EEFSEC: variants seen among roughly 807,000 people sequenced by gnomAD.
The protein encoded by EEFSEC is selenocysteine-specific elongation factor.
A neutral mutation model predicts 42.1 loss-of-function variants in EEFSEC; 43 were observed. The observed-to-expected ratio is 1.02, with a 90% CI of 0.80 to 1.32. The LOEUF (loss-of-function observed/expected upper bound fraction) is 1.32, where lower values mean the gene tolerates loss of function less well. Among genes scored for constraint, EEFSEC ranks in the 40% most tolerant of loss-of-function variants. The probability of loss-of-function intolerance (pLI) is 0.00; values close to 1 mark genes in which losing one functional copy is unlikely to be tolerated. For missense variants in EEFSEC, 745 were observed against 803.6 expected, an observed-to-expected ratio of 0.93 and a Z score of 0.88; for synonymous variants, 354 against 339.1, an observed-to-expected ratio of 1.04 and a Z score of -0.48.
chr3:128,181,674 G>C (rs1045488224), intron 1 of EEFSEC, among the ~76,000 whole-genome samples: 15 of 152,200 alleles, frequency 9.9e-5, no homozygotes, highest in African/African-American at 3.1e-4. Flanking sequence ...CTGGGCTGGT[G>C]GGGGGCGGTC....
chr3:128,265,242 A>C (rs1385996944), intron 4 of EEFSEC, among the ~76,000 whole-genome samples: 1 of 152,138 alleles, frequency 6.6e-6, no homozygotes, highest in Non-Finnish European at 1.5e-5. Context: ...CATGACGTGA[A>C]TCTTATGATG....
chr3:128,180,649 T>C (rs1030357763), intron 1 of EEFSEC, among the ~76,000 whole-genome samples: 3 of 152,236 alleles, frequency 2.0e-5, no homozygotes, highest in African/African-American at 7.2e-5. Flanking sequence ...CAGCTTCCTC[T>C]GCCCTTGACT....
chr3:128,179,900 C>A (rs2065387724), intron 1 of EEFSEC, among the ~76,000 whole-genome samples: 2 of 151,872 alleles, frequency 1.3e-5, no homozygotes, highest in Non-Finnish European at 2.9e-5. Context: ...AAAAAAAATT[C>A]TTTTTCCAAG....
At chr3:128,221,453 C>A (rs2065860362) in intron 1 of EEFSEC, among the ~76,000 whole-genome samples, 1 of 152,164 alleles carries the variant, frequency 6.6e-6, no homozygotes, top group African/African-American at 2.4e-5. Flanking sequence ...GTTTCCTTCA[C>A]CCAGGAGAGG....
At chr3:128,386,037 C>G (rs941614792) in intron 6 of EEFSEC, among the ~76,000 whole-genome samples, 1 of 152,228 alleles carries the variant, frequency 6.6e-6, no homozygotes, top group Non-Finnish European at 1.5e-5. Context: ...CTATTTATGT[C>G]AAGGGAGACT....
At chr3:128,277,927 A>G (rs1009895622) in intron 4 of EEFSEC, among the ~76,000 whole-genome samples, 7 of 152,198 alleles carry the variant, frequency 4.6e-5, no homozygotes, top group African/African-American at 1.7e-4. Context: ...GCAAATGCAA[A>G]GGCCCCATGG....
At chr3:128,276,181 C>T (rs1188999243) in intron 4 of EEFSEC, among the ~76,000 whole-genome samples, 1 of 152,226 alleles carries the variant, frequency 6.6e-6, no homozygotes, top group East Asian at 1.9e-4. Flanking sequence ...CTGCCCTTGA[C>T]AGTGGAAGTC....
chr3:128,245,914 C>G (rs563341992), intron 1 of EEFSEC, among the ~76,000 whole-genome samples: 36 of 152,296 alleles, frequency 2.4e-4, no homozygotes, highest in South Asian at 2.3e-3. Context: ...ACAGAGCAGT[C>G]TCCTCTGCAT....
At chr3:128,218,194 A>G (rs2065828557) in intron 1 of EEFSEC, among the ~76,000 whole-genome samples, 1 of 152,184 alleles carries the variant, frequency 6.6e-6, no homozygotes, top group South Asian at 2.1e-4. Flanking sequence ...GAATAAGGGG[A>G]AAAATGAAAG....
At chr3:128,407,111 C>T (rs981778566) in intron 6 of EEFSEC, among the ~76,000 whole-genome samples, 1 of 152,114 alleles carries the variant, frequency 6.6e-6, no homozygotes, top group Non-Finnish European at 1.5e-5. Flanking sequence ...AGAGACGGTG[C>T]ACAAAGGCAG....
intron 1 of EEFSEC, among the ~76,000 whole-genome samples, chr3:128,175,151 C>T (rs1190686985): frequency 6.6e-6 from 1 of 150,510 alleles, no homozygotes; most frequent in Admixed American, 6.6e-5. Flanking sequence ...CCCCGCTCCT[C>T]CTTCCCCTCC....
chr3:128,318,526 C>G (rs990473974), intron 4 of EEFSEC, among the ~76,000 whole-genome samples: 6 of 152,216 alleles, frequency 3.9e-5, no homozygotes, highest in Non-Finnish European at 7.4e-5. Context: ...GTACAGGACC[C>G]TTGGTTCTCT....
At chr3:128,344,772 G>A (rs918127235) in intron 5 of EEFSEC, among the ~76,000 whole-genome samples, 2 of 152,194 alleles carry the variant, frequency 1.3e-5, no homozygotes, top group Admixed American at 1.3e-4. Flanking sequence ...TACGCCTTGG[G>A]CAGCCATTTA....
chr3:128,166,129 T>G (rs915799335), intron 1 of EEFSEC, among the ~76,000 whole-genome samples: 1 of 152,250 alleles, frequency 6.6e-6, no homozygotes, highest in Non-Finnish European at 1.5e-5. Flanking sequence ...ACTCCATTTC[T>G]TCGGCACTTG....
chr3:128,263,719 C>G (rs750082116), intron 3 of EEFSEC, among the ~76,000 whole-genome samples: 2 of 152,194 alleles, frequency 1.3e-5, no homozygotes, highest in Non-Finnish European at 2.9e-5. Flanking sequence ...TGTTCCCTTA[C>G]GAAGTGAAAA....
At chr3:128,225,369 C>G (rs998122303) in intron 1 of EEFSEC, among the ~76,000 whole-genome samples, 7 of 152,138 alleles carry the variant, frequency 4.6e-5, no homozygotes, top group Non-Finnish European at 1.0e-4. Context: ...TGCCAAGGCC[C>G]CCTACAATGA....
intron 2 of EEFSEC, among the ~76,000 whole-genome samples, chr3:128,258,626 C>G (rs1041661085): frequency 1.3e-5 from 2 of 152,126 alleles, no homozygotes; most frequent in African/African-American, 2.4e-5. Flanking sequence ...AGAAGTTCTT[C>G]CTACCTTAGA....
At chr3:128,380,588 C>T (rs749234991) in intron 6 of EEFSEC, among the ~76,000 whole-genome samples, 2 of 152,324 alleles carry the variant, frequency 1.3e-5, no homozygotes, top group South Asian at 2.1e-4. Flanking sequence ...CTGGAGGGTT[C>T]GTACGTGCTT....
At chr3:128,162,889 T>C (rs1236998193) in intron 1 of EEFSEC, among the ~76,000 whole-genome samples, 5 of 152,222 alleles carry the variant, frequency 3.3e-5, no homozygotes, top group Non-Finnish European at 1.5e-5. Flanking sequence ...GCTGTAATCA[T>C]TTAAAATTAA....
Sources: gnomAD v4.1 joint callset for allele counts (sites outside exome capture counted in the v4.1 genomes callset) on GRCh38, gnomAD v4.1.1 for gene constraint, MANE v1.5 for transcripts, NCBI Gene and HGNC (gene_info 2026-07-23, HGNC 2026-07-21) for gene names.